Variants in CELF2 observed in about 807,000 individuals in gnomAD.
The protein encoded by CELF2 is CUGBP Elav-like family member 2.
Under a neutral mutation model 62.6 loss-of-function variants are expected in CELF2, and 8 were observed. The ratio of observed to expected loss-of-function variants is 0.13; its 90% CI spans 0.07 to 0.23. The LOEUF (loss-of-function observed/expected upper bound fraction) is 0.23, where lower values mean the gene tolerates loss of function less well. CELF2 is among the 10% of genes least tolerant of loss of function. The pLI, the probability that CELF2 is intolerant of heterozygous loss-of-function variation, is 1.00. For missense variants in CELF2, 333 were observed against 671.0 expected, an observed-to-expected ratio of 0.50 and a Z score of 5.56; for synonymous variants, 258 against 250.0, an observed-to-expected ratio of 1.03 and a Z score of -0.30.
the CELF2 span, among the ~76,000 whole-genome samples, chr10:10,472,391 A>G: frequency 6.6e-6 from 1 of 151,680 alleles, no homozygotes; most frequent in African/African-American, 2.4e-5. Flanking sequence ...AAATTATTAA[A>G]ATTTATCAAA....
Position 11,311,999 on chromosome 10 carries a change from C to T in CELF2, c.977-2140C>T, listed in dbSNP as rs1190494861. Among the ~76,000 whole-genome samples the T allele has an allele frequency of 6.6e-6, 1 of 152,092 alleles. No individual in the cohort carries two copies. The highest frequency in any genetic ancestry group is 1.9e-4 in the East Asian group (1 of 5,188). On this transcript the variant is annotated intron_variant, in intron 9 of 12. Coordinates refer to ENST00000633077, the MANE Select transcript of CELF2 (RefSeq NM_001326342.2). The surrounding 1 kb of genome is among the most constrained non-coding windows in gnomAD (Gnocchi z 4.7). ...ATAAAAATCAATCTAAACTTGGAAG[C>T]ACCATAGTGATAAATGCAGAACACC...
At chr10:10,625,780 G>A in the CELF2 span, among the ~76,000 whole-genome samples, 14 of 152,138 alleles carry the variant, frequency 9.2e-5, no homozygotes, top group African/African-American at 2.7e-4. Context: ...CAAGGGCCCC[G>A]TCCCGTGATC....
intron 2 of CELF2, among the ~76,000 whole-genome samples, chr10:11,203,435 A>T (rs1312200104): frequency 6.6e-6 from 1 of 152,216 alleles, no homozygotes; most frequent in East Asian, 1.9e-4. Flanking sequence ...AATCAGGTAC[A>T]CTTATTTAAT....
At position 10,993,728 on chromosome 10, in the gene CELF2, G is replaced by C. The variant is rs1397351408; in HGVS notation, c.89+73729G>C. ...GTCCTGGATTGGATGTTTTCAGAAA[G>C]CATTGGATATCGATATGGACTCAGC... On this transcript the variant is annotated intron_variant, in intron 2 of 13. Coordinates refer to the CELF2 transcript ENST00000636488. This position sits in a 1 kb window ranked among gnomAD's most constrained non-coding sequence, Gnocchi z 5.3. Among the ~76,000 whole-genome samples, 1 of 152,154 alleles carries C rather than the reference G, an allele frequency of 6.6e-6. No individual in the cohort carries two copies. The highest frequency in any genetic ancestry group is 1.9e-4 in the East Asian group (1 of 5,204).
chr10:10,614,781 T>C, the CELF2 span, among the ~76,000 whole-genome samples: 33 of 152,268 alleles, frequency 2.2e-4, no homozygotes, highest in African/African-American at 7.7e-4. Flanking sequence ...GGATAGTGAA[T>C]TCAGGACTTT....
chr10:11,099,406 G>T (rs1004120796), intron 1 of CELF2, among the ~76,000 whole-genome samples: 1 of 152,144 alleles, frequency 6.6e-6, no homozygotes, highest in Admixed American at 6.5e-5. Flanking sequence ...AAATTCTGGC[G>T]TGGTTTCCCT....
the CELF2 span, among the ~76,000 whole-genome samples, chr10:10,767,857 G>A: frequency 2.1e-5 from 3 of 143,110 alleles, no homozygotes; most frequent in African/African-American, 5.3e-5. Flanking sequence ...TTAGCCGGGC[G>A]TGGTGGCGGG....
the CELF2 span, among the ~76,000 whole-genome samples, chr10:10,785,867 G>A: frequency 6.6e-6 from 1 of 152,158 alleles, no homozygotes; most frequent in African/African-American, 2.4e-5. Context: ...AAATTGCTGA[G>A]AGTGTAGAAT....
intron 2 of CELF2, among the ~76,000 whole-genome samples, chr10:11,186,080 C>T (rs1468188478): frequency 6.6e-6 from 1 of 152,098 alleles, no homozygotes; most frequent in Non-Finnish European, 1.5e-5. Context: ...ATAATATGTC[C>T]ATTTACCCTA....
chr10:11,005,548 A>AG lies in CELF2; in HGVS notation c.53+114dup. ...AGTAGCTTCCTTACCTTAGAAGAGA[A>AG]GGGGGGAAAAAGAATCTAAAGAGGA... is the stretch of plus-strand genomic sequence containing the variant. On this transcript the variant is annotated intron_variant, in intron 1 of 12. Coordinates refer to the CELF2 transcript ENST00000416382. The surrounding 1 kb of genome is among the most constrained non-coding windows in gnomAD (Gnocchi z 4.3). 2.0e-6 allele frequency: 3 copies of AG among 1,525,596 alleles called. No homozygotes were observed. Among genetic ancestry groups the AG allele is most frequent in the South Asian group, 1.1e-5 (1 of 88,442 alleles). The allele number at this position is 1,525,596 out of a possible 1,614,324, so 94.5% of individuals were successfully genotyped here.
At chr10:10,644,040 A>T in the CELF2 span, among the ~76,000 whole-genome samples, 2 of 152,172 alleles carry the variant, frequency 1.3e-5, no homozygotes, top group Non-Finnish European at 2.9e-5. Context: ...GATCCCCAGC[A>T]TCCCCCAAAC....
rs765652493 is a variant in CELF2, at chr10:11,269,862, T to C, written c.619-804T>C. 3.3e-5 allele frequency among the ~76,000 whole-genome samples: 5 copies of C among 152,208 alleles called. No individual in the cohort carries two copies. The highest frequency in any genetic ancestry group is 5.9e-5 in the Non-Finnish European group (4 of 68,032). ...CCTACTCCTTGCCTTTTAAAGGAAA[T>C]TAAAACTGAAAGAAGCTGCTAGAAT... On this transcript the variant is annotated intron_variant, in intron 6 of 12. Coordinates refer to ENST00000633077, the MANE Select transcript of CELF2 (RefSeq NM_001326342.2). The surrounding 1 kb of genome is among the most constrained non-coding windows in gnomAD (Gnocchi z 4.4).
chr10:10,837,772 G>T (rs552575660), intron 1 of CELF2, among the ~76,000 whole-genome samples: 17 of 152,226 alleles, frequency 1.1e-4, no homozygotes, highest in African/African-American at 4.1e-4. Context: ...CTGGCAAAGT[G>T]CAAGATCCTG....
chr10:10,893,541 G>C (rs1337663206), intron 1 of CELF2, among the ~76,000 whole-genome samples: 2 of 152,172 alleles, frequency 1.3e-5, no homozygotes, highest in East Asian at 1.9e-4. Context: ...CTAGGAAGGT[G>C]TATTCATCCA....
At chr10:10,691,007 T>TC in the CELF2 span, among the ~76,000 whole-genome samples, 1 of 78,176 alleles carries the variant, frequency 1.3e-5, no homozygotes, top group South Asian at 7.5e-4. Flanking sequence ...ATTATGGTGA[T>TC]TTTTTTTTAT....
chr10:10,627,685 A>C, the CELF2 span, among the ~76,000 whole-genome samples: 3 of 152,166 alleles, frequency 2.0e-5, no homozygotes, highest in Non-Finnish European at 2.9e-5. Flanking sequence ...GGGTCAACTT[A>C]AGACACCACC....
chr10:11,193,455 G>A (rs564953463), intron 2 of CELF2, among the ~76,000 whole-genome samples: 2 of 152,230 alleles, frequency 1.3e-5, no homozygotes, highest in South Asian at 2.1e-4. Context: ...AGAAAATTTC[G>A]CCACAAACTG....
At chr10:10,869,201 A>G (rs1425314844) in intron 1 of CELF2, among the ~76,000 whole-genome samples, 2 of 152,216 alleles carry the variant, frequency 1.3e-5, no homozygotes, top group African/African-American at 2.4e-5. Context: ...GAAAAAGTCC[A>G]TGTAAATATC....
chr10:11,037,079 GAAA>G (rs2061074331), intron 1 of CELF2, among the ~76,000 whole-genome samples: 1 of 32,816 alleles, frequency 3.0e-5, no homozygotes, highest in African/African-American at 3.7e-4. Context: ...TGCTAATAAA[GAAA>G]GATGTACCTG....
Sources: allele counts gnomAD v4.1 joint callset (sites outside exome capture counted in the v4.1 genomes callset), GRCh38; gene constraint gnomAD v4.1.1; non-coding constraint Gnocchi (gnomAD v3.1); transcripts MANE v1.5; gene names NCBI Gene and HGNC (gene_info 2026-07-23, HGNC 2026-07-21).